SGMS2: variants seen among roughly 807,000 people sequenced by gnomAD.
The protein encoded by SGMS2 is sphingomyelin synthase 2, also known as phosphatidylcholine:ceramide cholinephosphotransferase 2.
A neutral mutation model predicts 43.8 loss-of-function variants in SGMS2; 21 were observed. The ratio of observed to expected loss-of-function variants is 0.48; its 90% CI spans 0.34 to 0.69. The LOEUF is 0.69. SGMS2 is among the 30% of genes least tolerant of loss of function. The probability of loss-of-function intolerance (pLI) is 0.01; values close to 1 mark genes in which losing one functional copy is unlikely to be tolerated. For synonymous variants in SGMS2, 167 were observed against 160.6 expected, an observed-to-expected ratio of 1.04 and a Z score of -0.30; for missense variants, 384 against 443.2, an observed-to-expected ratio of 0.87 and a Z score of 1.20.
chr4:107,883,703 AT>A (rs1729534040), intron 2 of SGMS2, among the ~76,000 whole-genome samples: 1 of 152,124 alleles, frequency 6.6e-6, no homozygotes, highest in Admixed American at 6.5e-5. Context: ...ATTATTTCCA[AT>A]TTTCCCTTAT....
chr4:107,830,820 C>T (rs1725850435), intron 1 of SGMS2, among the ~76,000 whole-genome samples: 1 of 152,082 alleles, frequency 6.6e-6, no homozygotes, highest in Non-Finnish European at 1.5e-5. Context: ...GGAGACCACT[C>T]AGGAAGACTT....
At chr4:107,902,444 A>G (rs1208763970) in intron 4 of SGMS2, among the ~76,000 whole-genome samples, 2 of 151,954 alleles carry the variant, frequency 1.3e-5, no homozygotes, top group African/African-American at 4.8e-5. Flanking sequence ...CAGTATTCCA[A>G]TTTTCTATGC....
intron 2 of SGMS2, among the ~76,000 whole-genome samples, chr4:107,865,845 T>C (rs1336634118): frequency 6.6e-6 from 1 of 152,204 alleles, no homozygotes; most frequent in Non-Finnish European, 1.5e-5. Context: ...ATGCCTTAAG[T>C]AGTGACTAGA....
chr4:107,885,227 A>T (rs76707398), intron 2 of SGMS2, among the ~76,000 whole-genome samples: 11,470 of 150,030 alleles, frequency 0.076, 581 homozygotes, highest in African/African-American at 0.15. Context: ...GTTTTGTTAC[A>T]TTTTTTTTTT....
At chr4:107,872,630 A>T (rs757707098) in intron 2 of SGMS2, among the ~76,000 whole-genome samples, 1 of 151,926 alleles carries the variant, frequency 6.6e-6, no homozygotes, top group African/African-American at 2.4e-5. Context: ...TGATTGTGCC[A>T]CTGCGCTCCA....
intron 1 of SGMS2, among the ~76,000 whole-genome samples, chr4:107,843,215 A>G (rs1171202156): frequency 1.3e-5 from 2 of 152,030 alleles, no homozygotes; most frequent in Non-Finnish European, 2.9e-5. Flanking sequence ...TTATACAAGT[A>G]ATTAGCTATT....
intron 6 of SGMS2, 153 bp from the exon 7 acceptor site, chr4:107,910,191 AGTCATG>A: frequency 1.5e-6 from 1 of 650,352 alleles, no homozygotes; most frequent in Non-Finnish European, 2.7e-6. Context: ...AGGGGAGCGG[AGTCATG>A]GTAGAGTTAG....
intron 3 of SGMS2, among the ~76,000 whole-genome samples, chr4:107,899,229 G>T (rs1487554087): frequency 5.9e-5 from 9 of 152,164 alleles, no homozygotes; most frequent in Non-Finnish European, 8.8e-5. Context: ...ATACAGACAG[G>T]TTCATTCTCT....
chr4:107,902,212 C>T (rs1447141660), intron 4 of SGMS2, among the ~76,000 whole-genome samples: 1 of 148,758 alleles, frequency 6.7e-6, no homozygotes, highest in African/African-American at 2.5e-5. Flanking sequence ...TTTTTGGCAG[C>T]AGCCAAGTTG....
intron 3 of SGMS2, among the ~76,000 whole-genome samples, 169 bp downstream of exon 3, chr4:107,896,177 T>C (rs1419405657): frequency 6.6e-6 from 1 of 152,170 alleles, no homozygotes; most frequent in African/African-American, 2.4e-5. Flanking sequence ...ATTCAGTCAC[T>C]ATTCAGTAAG....
intron 2 of SGMS2, among the ~76,000 whole-genome samples, chr4:107,888,542 A>G (rs1729938210): frequency 6.6e-6 from 1 of 152,072 alleles, no homozygotes; most frequent in Admixed American, 6.6e-5. Flanking sequence ...TCTCTCTCGT[A>G]TGAAGAATCT....
intron 2 of SGMS2, among the ~76,000 whole-genome samples, chr4:107,879,912 C>G (rs1449573048): frequency 6.6e-6 from 1 of 152,164 alleles, no homozygotes; most frequent in African/African-American, 2.4e-5. Context: ...CAGAAAGAAA[C>G]TTCCAGCCCA....
chr4:107,832,967 G>A (rs1208483372), intron 1 of SGMS2, among the ~76,000 whole-genome samples: 1 of 152,196 alleles, frequency 6.6e-6, no homozygotes, highest in African/African-American at 2.4e-5. Context: ...GGCTGAGGCT[G>A]CAGTGAGCCA....
chr4:107,824,964 G>C lies in SGMS2; in HGVS notation c.-616G>C, dbSNP rs988740268. 6.6e-6 allele frequency: 1 copy of C among 151,296 alleles called. No individual in the cohort carries two copies. The highest frequency in any genetic ancestry group is 2.4e-5 in the African/African-American group (1 of 41,314). The allele number at this position is 151,296 out of a possible 1,614,324, so 9.4% of individuals were successfully genotyped here. A position where few individuals can be genotyped will look rare whatever the true frequency, so the allele number is the denominator to read the frequency against. On this transcript the variant is annotated 5_prime_UTR_variant, in exon 1 of 7. Coordinates refer to ENST00000690982, the MANE Select transcript of SGMS2 (RefSeq NM_001375905.1). ...GCCGCGCCGTGGGCCGAGTGGGGCG[G>C]GGAGACCCAGCCCTCGGCGCGCACG...
intron 2 of SGMS2, among the ~76,000 whole-genome samples, chr4:107,879,183 T>G (rs184088250): frequency 1.1e-3 from 165 of 151,496 alleles, no homozygotes; most frequent in African/African-American, 3.8e-3. Flanking sequence ...TTTTGATGAA[T>G]TTTGCTAGAA....
chr4:107,855,070 T>A (rs1260959225), intron 1 of SGMS2, among the ~76,000 whole-genome samples: 1 of 152,156 alleles, frequency 6.6e-6, no homozygotes, highest in Non-Finnish European at 1.5e-5. Flanking sequence ...ACAGTTTTAG[T>A]CATTTTGCAA....
intron 2 of SGMS2, among the ~76,000 whole-genome samples, chr4:107,877,913 C>CTTTTTTTTTTTTTTT (rs774442653): frequency 4.6e-4 from 47 of 102,160 alleles, no homozygotes; most frequent in South Asian, 6.0e-4. Context: ...TTTTTCTTTT[C>CTTTTTTTTTTTTTTT]TTTTTTTTTT....
chr4:107,908,863 C>T (rs1268753964), intron 6 of SGMS2, 132 bp downstream of exon 6: 2 of 705,684 alleles, frequency 2.8e-6, no homozygotes, highest in Non-Finnish European at 4.5e-6. Context: ...ATATCCATTA[C>T]TGCTTTTTAA....
chr4:107,832,451 A>C (rs1725942940), intron 1 of SGMS2, among the ~76,000 whole-genome samples: 1 of 152,204 alleles, frequency 6.6e-6, no homozygotes, highest in African/African-American at 2.4e-5. Flanking sequence ...CACTTTAAGG[A>C]TCCTACTTGA....
Sources: allele counts gnomAD v4.1 joint callset (sites outside exome capture counted in the v4.1 genomes callset), GRCh38; gene constraint gnomAD v4.1.1; transcripts MANE v1.5; gene names NCBI Gene and HGNC (gene_info 2026-07-23, HGNC 2026-07-21).